Variants in RRP15 observed in about 807,000 individuals in gnomAD.
RRP15 encodes the protein ribosomal RNA processing 15 homolog.
RRP15 carries 18 observed loss-of-function variants against 27.1 expected under a neutral mutation model. The ratio of observed to expected loss-of-function variants is 0.66; its 90% CI spans 0.46 to 0.98. RRP15 has a LOEUF of 0.98. RRP15 is among the 50% of genes least tolerant of loss of function. The probability of loss-of-function intolerance (pLI) is 0.00; values close to 1 mark genes in which losing one functional copy is unlikely to be tolerated. For missense variants in RRP15, 359 were observed against 337.8 expected (o/e 1.06, Z -0.49); for synonymous variants, 107 against 109.4 (o/e 0.98, Z 0.14).
intron 1 of RRP15, among the ~76,000 whole-genome samples, chr1:218,296,796 G>A (rs1216137118): frequency 1.3e-5 from 2 of 151,882 alleles, no homozygotes; most frequent in Non-Finnish European, 2.9e-5. Context: ...AGAGACATTG[G>A]CCACTCTTGA....
At chr1:218,325,332 C>G (rs1046728389) in intron 4 of RRP15, among the ~76,000 whole-genome samples, 11 of 152,166 alleles carry the variant, frequency 7.2e-5, no homozygotes, top group African/African-American at 2.7e-4. Flanking sequence ...TTTCTCTATC[C>G]CATGTTTTCT....
chr1:218,305,850 A>G (rs1047035103), intron 3 of RRP15, among the ~76,000 whole-genome samples: 5 of 152,146 alleles, frequency 3.3e-5, no homozygotes, highest in African/African-American at 1.2e-4. Flanking sequence ...TGTGGTGAAT[A>G]AGGGCATGAG....
chr1:218,293,129 A>G (rs527848891), intron 1 of RRP15, among the ~76,000 whole-genome samples: 7 of 151,844 alleles, frequency 4.6e-5, no homozygotes. Flanking sequence ...ATGCTCAAGC[A>G]ATCCTCCTGC....
intron 1 of RRP15, among the ~76,000 whole-genome samples, chr1:218,295,890 G>A (rs1316097776): frequency 2.0e-5 from 3 of 151,948 alleles, no homozygotes; most frequent in Non-Finnish European, 4.4e-5. Context: ...AACCTGGGAT[G>A]ACTTCATTTT....
chr1:218,304,907 C>A, intron 2 of RRP15, 121 bp from the exon 3 acceptor site: 1 of 875,642 alleles, frequency 1.1e-6, no homozygotes, highest in Non-Finnish European at 1.8e-6. Context: ...TTTTAAAAGC[C>A]CCTGACAAAC....
At chr1:218,308,618 AGCCTAGG>A (rs1467187452) in intron 4 of RRP15, among the ~76,000 whole-genome samples, 12 of 152,210 alleles carry the variant, frequency 7.9e-5, no homozygotes, top group Non-Finnish European at 4.4e-5. Context: ...ATTTTATGCT[AGCCTAGG>A]GTTGGAGCAT....
chr1:218,286,553 G>C (rs527909890), intron 1 of RRP15, among the ~76,000 whole-genome samples: 1 of 152,010 alleles, frequency 6.6e-6, no homozygotes, highest in East Asian at 1.9e-4. Context: ...TTGACTTATT[G>C]CCCTGCTTTA....
chr1:218,302,234 C>A, intron 1 of RRP15, 60 bp from the exon 2 acceptor site: 1 of 1,402,304 alleles, frequency 7.1e-7, no homozygotes, highest in Non-Finnish European at 9.9e-7. Context: ...TTCGGGGGGC[C>A]TTGGCAGCCT....
intron 1 of RRP15, among the ~76,000 whole-genome samples, chr1:218,285,790 ATG>A (rs1558199020): frequency 6.6e-6 from 1 of 152,048 alleles, no homozygotes; most frequent in African/African-American, 2.4e-5. Context: ...CAGGAGAAGA[ATG>A]GGTCTCATAG....
chr1:218,288,856 A>T (rs1417008849), intron 1 of RRP15, among the ~76,000 whole-genome samples: 1 of 152,136 alleles, frequency 6.6e-6, no homozygotes, highest in African/African-American at 2.4e-5. Flanking sequence ...TTATAACCAG[A>T]GTATTCTTTC....
At chr1:218,296,510 G>A (rs557580636) in intron 1 of RRP15, among the ~76,000 whole-genome samples, 48 of 152,120 alleles carry the variant, frequency 3.2e-4, no homozygotes, top group Non-Finnish European at 4.1e-4. Context: ...GCTCAGCGTG[G>A]TGGTGTGTGC....
intron 2 of RRP15, among the ~76,000 whole-genome samples, chr1:218,303,437 T>A (rs1655844976): frequency 6.6e-6 from 1 of 152,212 alleles, no homozygotes; most frequent in Non-Finnish European, 1.5e-5. Context: ...AAGGTGGAAA[T>A]TTTTAAGTAT....
At chr1:218,300,390 A>G (rs985467584) in intron 1 of RRP15, among the ~76,000 whole-genome samples, 2 of 152,092 alleles carry the variant, frequency 1.3e-5, no homozygotes, top group African/African-American at 4.8e-5. Flanking sequence ...CTAATTTGTT[A>G]TTAATTTTTA....
intron 1 of RRP15, among the ~76,000 whole-genome samples, chr1:218,287,619 G>C (rs533522204): frequency 6.6e-6 from 1 of 152,276 alleles, no homozygotes; most frequent in South Asian, 2.1e-4. Context: ...TAGTTTTCAA[G>C]ATCATGGTTC....
intron 1 of RRP15, among the ~76,000 whole-genome samples, chr1:218,290,726 C>A (rs922082973): frequency 1.3e-5 from 2 of 152,202 alleles, no homozygotes; most frequent in African/African-American, 4.8e-5. Flanking sequence ...GCCTTGGCCT[C>A]CCAAAGTGCT....
intron 4 of RRP15, among the ~76,000 whole-genome samples, chr1:218,329,879 G>C (rs1656338600): frequency 6.6e-6 from 1 of 151,696 alleles, no homozygotes; most frequent in African/African-American, 2.4e-5. Context: ...TTTAAATAAA[G>C]GGAAGCTATA....
rs1201384439 is a variant in RRP15, at chr1:218,302,398, G to A, written c.244G>A (p.Gly82Arg). Reference sequence around the variant, plus strand: ...CTGTGACAAAGAAAATGAAAATGATGGAGAATCAAGTGTTGGGACTAATAT... The same window carrying A: ...CTGTGACAAAGAAAATGAAAATGATAGAGAATCAAGTGTTGGGACTAATAT... ...EPCDKENEND[G>R]ESSVGTNMGW... The change falls in exon 2 of 5, where the codon GGA becomes AGA. Residue 82 changes from glycine (G) to arginine (R), a missense_variant. Physicochemically the swap from Gly to Arg is moderately radical, Grantham distance 125. Transcript: ENST00000366932. 6.2e-7 allele frequency: 1 copy of A among 1,614,052 alleles called. No homozygotes were observed. The highest frequency in any genetic ancestry group is 2.2e-5 in the East Asian group (1 of 44,868).
At chr1:218,318,198 T>C (rs1041191360) in intron 4 of RRP15, among the ~76,000 whole-genome samples, 1 of 152,142 alleles carries the variant, frequency 6.6e-6, no homozygotes, top group Non-Finnish European at 1.5e-5. Context: ...GTTGATTATT[T>C]GAAAGTATTA....
rs1018760502 is a variant in RRP15 at position 218,333,490 on chromosome 1, C to G, written c.*2399C>G. ...AGTGTATTTCATCTTTCTACATTGTCTTTGTGGTTTTTGTTTGTTTGTTTT... is the reference window on the plus strand; with the variant it reads ...AGTGTATTTCATCTTTCTACATTGTGTTTGTGGTTTTTGTTTGTTTGTTTT... On this transcript the variant is annotated 3_prime_UTR_variant, in exon 5 of 5. Coordinates refer to ENST00000366932, the MANE Select transcript of RRP15 (RefSeq NM_016052.4). The G allele has an allele frequency of 6.6e-6, 1 of 151,956 alleles. No individual in the cohort carries two copies. The highest frequency in any genetic ancestry group is 1.5e-5 in the Non-Finnish European group (1 of 67,992). The allele number at this position is 151,956 out of a possible 1,614,324, so 9.4% of individuals were successfully genotyped here.
Sources: gnomAD v4.1 joint callset for allele counts (sites outside exome capture counted in the v4.1 genomes callset) on GRCh38, gnomAD v4.1.1 for gene constraint, MANE v1.5 for transcripts, NCBI Gene and HGNC (gene_info 2026-07-23, HGNC 2026-07-21) for gene names.